Variants in TAFA1 observed in about 807,000 individuals in gnomAD.
TAFA1 encodes the protein TAFA chemokine like family member 1.
A neutral mutation model predicts 18.5 loss-of-function variants in TAFA1; 4 were observed. The observed-to-expected ratio is 0.22, with a 90% confidence interval of 0.11 to 0.49. The LOEUF is 0.49. Ranked by LOEUF, TAFA1 falls within the 20% of genes least tolerant of loss-of-function variation. The probability of loss-of-function intolerance (pLI) is 0.98; values close to 1 mark genes in which losing one functional copy is unlikely to be tolerated. For synonymous variants in TAFA1, 56 were observed against 55.2 expected (o/e 1.01, Z -0.06); for missense variants, 147 against 169.0 (o/e 0.87, Z 0.72).
At chr3:68,127,093 C>T (rs1038153560) in intron 2 of TAFA1, among the ~76,000 whole-genome samples, 10 of 152,158 alleles carry the variant, frequency 6.6e-5, no homozygotes, top group African/African-American at 1.9e-4. Flanking sequence ...AAACTGTAAA[C>T]TCATGAATAA....
chr3:68,100,524 T>G (rs916678750), intron 2 of TAFA1, among the ~76,000 whole-genome samples: 3 of 152,124 alleles, frequency 2.0e-5, no homozygotes, highest in African/African-American at 7.2e-5. Context: ...GAATCTCATT[T>G]CCAAATTTAG....
intron 2 of TAFA1, among the ~76,000 whole-genome samples, chr3:68,150,766 T>A (rs1281518855): frequency 6.6e-6 from 1 of 152,146 alleles, no homozygotes; most frequent in African/African-American, 2.4e-5. Flanking sequence ...CTGTAAAAAA[T>A]TTTAAAATGT....
intron 2 of TAFA1, among the ~76,000 whole-genome samples, chr3:68,398,280 A>G (rs141298538): frequency 7.5e-4 from 114 of 152,302 alleles, no homozygotes; most frequent in African/African-American, 2.5e-3. Flanking sequence ...ATCTACAACT[A>G]TCTGATCTTC....
rs189644549 is a variant in TAFA1, at chr3:68,535,549, T to C, written c.260-3207T>C. Among the ~76,000 whole-genome samples the C allele has an allele frequency of 2.3e-3, 350 of 152,316 alleles. 2 individuals carry two copies. The highest frequency in any genetic ancestry group is 7.8e-3 in the African/African-American group (326 of 41,568). ...TGCTTGCTGGCCATATCCAGTGGAA[T>C]TGCATCATACATACTTTGGTCTGGT... On this transcript the variant is annotated intron_variant, in intron 3 of 4. Coordinates refer to ENST00000478136, the MANE Select transcript of TAFA1 (RefSeq NM_213609.4).
chr3:68,023,167 C>A (rs747405873), intron 2 of TAFA1, among the ~76,000 whole-genome samples: 1 of 151,768 alleles, frequency 6.6e-6, no homozygotes, highest in Non-Finnish European at 1.5e-5. Flanking sequence ...TGATGGACAG[C>A]GTTAAGATGG....
At chr3:68,381,404 A>G (rs2069951550) in intron 2 of TAFA1, among the ~76,000 whole-genome samples, 8 of 152,010 alleles carry the variant, frequency 5.3e-5, no homozygotes. Context: ...ACCCATGAGC[A>G]TGGAATGTTC....
At chr3:68,238,463 T>G (rs1191060730) in intron 2 of TAFA1, among the ~76,000 whole-genome samples, 1 of 152,246 alleles carries the variant, frequency 6.6e-6, no homozygotes, top group Non-Finnish European at 1.5e-5. Flanking sequence ...ACAGGTTTCC[T>G]TCAGCTAAAT....
chr3:68,217,068 A>G (rs889201837), intron 2 of TAFA1, among the ~76,000 whole-genome samples: 2 of 152,062 alleles, frequency 1.3e-5, no homozygotes, highest in Non-Finnish European at 2.9e-5. Context: ...TCTGAAGTGT[A>G]AAGGATGGAA....
At chr3:68,376,800 C>G (rs1052812429) in intron 2 of TAFA1, among the ~76,000 whole-genome samples, 3 of 152,008 alleles carry the variant, frequency 2.0e-5, no homozygotes, top group South Asian at 2.1e-4. Context: ...GTGTCCCCAC[C>G]CAAATCTCAT....
intron 2 of TAFA1, among the ~76,000 whole-genome samples, chr3:68,334,389 G>T (rs541824882): frequency 6.6e-6 from 1 of 152,118 alleles, no homozygotes; most frequent in Non-Finnish European, 1.5e-5. Flanking sequence ...TTGTCGATTT[G>T]TGAAACAGCT....
At chr3:68,246,522 G>T (rs1017964921) in intron 2 of TAFA1, among the ~76,000 whole-genome samples, 1 of 143,858 alleles carries the variant, frequency 7.0e-6, no homozygotes, top group African/African-American at 2.6e-5. Flanking sequence ...CCCGGGAGGC[G>T]GAGCTTGCAG....
chr3:67,993,986 G>A, the TAFA1 span, among the ~76,000 whole-genome samples: 3 of 152,180 alleles, frequency 2.0e-5, no homozygotes, highest in Non-Finnish European at 2.9e-5. Context: ...CAGCCTAGCC[G>A]GGTAGAATTT....
intron 3 of TAFA1, among the ~76,000 whole-genome samples, chr3:68,490,801 A>C (rs2072436727): frequency 7.7e-6 from 1 of 130,456 alleles, no homozygotes. Flanking sequence ...ATAGATGAAC[A>C]AAGTTATTTA....
intron 2 of TAFA1, among the ~76,000 whole-genome samples, chr3:68,280,417 GGC>G (rs2067877655): frequency 6.6e-6 from 1 of 152,124 alleles, no homozygotes; most frequent in African/African-American, 2.4e-5. Context: ...TTCATTGTTA[GGC>G]AGTCTCAACA....
At chr3:67,998,371 C>T in the TAFA1 span, among the ~76,000 whole-genome samples, 1 of 152,110 alleles carries the variant, frequency 6.6e-6, no homozygotes, top group African/African-American at 2.4e-5. Flanking sequence ...TCTCCTTTTC[C>T]CATTATTATC....
At chr3:68,389,537 C>A (rs2106704837) in intron 2 of TAFA1, among the ~76,000 whole-genome samples, 1 of 152,208 alleles carries the variant, frequency 6.6e-6, no homozygotes, top group African/African-American at 2.4e-5. Context: ...AAATTATATT[C>A]TTTTAAAAAG....
intron 2 of TAFA1, among the ~76,000 whole-genome samples, chr3:68,313,107 CCA>C (rs2068548369): frequency 6.6e-6 from 1 of 152,086 alleles, no homozygotes; most frequent in Non-Finnish European, 1.5e-5. Context: ...TAATCATTTC[CCA>C]CATGGTCCTC....
At chr3:68,474,483 T>G (rs2072055047) in intron 3 of TAFA1, among the ~76,000 whole-genome samples, 1 of 152,182 alleles carries the variant, frequency 6.6e-6, no homozygotes, top group African/African-American at 2.4e-5. Context: ...AGAACTTGAT[T>G]CAAAAGCTTT....
chr3:68,264,058 G>A (rs936303405), intron 2 of TAFA1, among the ~76,000 whole-genome samples: 1 of 152,116 alleles, frequency 6.6e-6, no homozygotes, highest in Admixed American at 6.5e-5. Flanking sequence ...TTGGGAAGCC[G>A]AGGTGGGCGG....
Sources: gnomAD v4.1 joint callset for allele counts (sites outside exome capture counted in the v4.1 genomes callset) on GRCh38, gnomAD v4.1.1 for gene constraint, MANE v1.5 for transcripts, NCBI Gene and HGNC (gene_info 2026-07-23, HGNC 2026-07-21) for gene names.